Variants in ROR1 observed in about 807,000 individuals in gnomAD.
ROR1 encodes the protein ROR family WNT receptor 1.
A neutral mutation model predicts 78.8 loss-of-function variants in ROR1; 19 were observed. That is an observed-to-expected ratio of 0.24 (90% CI 0.17 to 0.35). The LOEUF is 0.35. ROR1 is among the 10% of genes least tolerant of loss of function. The pLI is 1.00. For synonymous variants in ROR1, 386 were observed against 433.6 expected (o/e 0.89, Z 1.36); for missense variants, 917 against 1,177.8 (o/e 0.78, Z 3.24).
intron 2 of ROR1, among the ~76,000 whole-genome samples, chr1:64,035,053 C>T (rs1423936487): frequency 1.3e-5 from 2 of 152,122 alleles, no homozygotes; most frequent in Non-Finnish European, 2.9e-5. Context: ...AGTTCAGTGG[C>T]AATATTTTCA....
chr1:64,147,193 T>G (rs1324025261), intron 7 of ROR1, among the ~76,000 whole-genome samples: 1 of 152,210 alleles, frequency 6.6e-6, no homozygotes, highest in Non-Finnish European at 1.5e-5. Flanking sequence ...ATTATCTTAG[T>G]ATTAATCAGT....
In ROR1 at chr1:64,107,469, C is replaced by A. The variant is rs181385450; in HGVS notation, c.483-29900C>A. 2.4e-3 allele frequency among the ~76,000 whole-genome samples: 359 copies of A among 152,254 alleles called. 1 individual carries two copies. Among genetic ancestry groups the A allele is most frequent in the Middle Eastern group, 0.02 (6 of 294 alleles). ...TTCACAGGGTAATCATCATAAATTC[C>A]TTTTTCATCGTCTTTGCTGTTCCAT... is the stretch of plus-strand genomic sequence containing the variant. On this transcript the variant is annotated intron_variant, in intron 4 of 8. Transcript: ENST00000371079.
chr1:63,868,789 G>A lies in ROR1; in HGVS notation c.91+94281G>A, dbSNP rs553511122. Reference sequence around the variant, plus strand: ...GGCACATGCCTCTGCACTGAGCTTGGGAGAATGAGTAGGATCTGGGAACGT... The same window carrying A: ...GGCACATGCCTCTGCACTGAGCTTGAGAGAATGAGTAGGATCTGGGAACGT... On this transcript the variant is annotated intron_variant, in intron 1 of 8. Coordinates refer to ENST00000371079, the MANE Select transcript of ROR1 (RefSeq NM_005012.4). Among the ~76,000 whole-genome samples, 239 of 152,302 alleles carry A rather than the reference G, an allele frequency of 1.6e-3. 1 individual carries two copies. Among genetic ancestry groups the A allele is most frequent in the African/African-American group, 5.4e-3 (223 of 41,562 alleles).
intron 7 of ROR1, among the ~76,000 whole-genome samples, chr1:64,144,199 C>T (rs768567224): frequency 1.7e-4 from 26 of 152,136 alleles, no homozygotes; most frequent in South Asian, 4.2e-4. Context: ...TTTGCTGAGA[C>T]GGAGAAAACT....
chr1:64,177,967 C>G lies in ROR1; in HGVS notation c.1926C>G (p.Ser642=). The change falls in exon 9 of 9, where the codon TCC becomes TCG. Residue 642 remains serine (S), a synonymous_variant. Transcript: ENST00000371079. ...TGGGGCTTTCCAGAGAAATTTACTC[C>G]GCTGATTACTACAGGGTCCAGAGTA... is the stretch of plus-strand genomic sequence containing the variant. The part of the protein sequence containing the change: ...SDLGLSREIY[S]ADYYRVQSKS... 6.2e-7 allele frequency: 1 copy of G among 1,614,138 alleles called. No homozygotes were observed. Among genetic ancestry groups the G allele is most frequent in the Non-Finnish European group, 8.5e-7 (1 of 1,180,028 alleles).
At chr1:64,052,743 G>T (rs1287507171) in intron 4 of ROR1, among the ~76,000 whole-genome samples, 1 of 152,130 alleles carries the variant, frequency 6.6e-6, no homozygotes, top group Non-Finnish European at 1.5e-5. Context: ...ATGTTTGCTT[G>T]CAGGGAGTTA....
intron 2 of ROR1, among the ~76,000 whole-genome samples, chr1:64,012,388 G>C (rs1646483093): frequency 6.6e-6 from 1 of 152,176 alleles, no homozygotes; most frequent in African/African-American, 2.4e-5. Context: ...GTGGGAGTGG[G>C]GTTGAGGTTC....
intron 3 of ROR1, among the ~76,000 whole-genome samples, chr1:64,050,235 T>C (rs1487791860): frequency 1.3e-5 from 2 of 152,184 alleles, no homozygotes; most frequent in African/African-American, 4.8e-5. Flanking sequence ...GAGCCCCTAA[T>C]TGAAACCATC....
chr1:64,019,933 G>A (rs1646550492), intron 2 of ROR1, among the ~76,000 whole-genome samples: 1 of 152,164 alleles, frequency 6.6e-6, no homozygotes, highest in Admixed American at 6.5e-5. Context: ...AAGCCTAAAT[G>A]CCTACAAGTG....
At chr1:64,142,960 C>T in intron 7 of ROR1, 1 of 1,159,122 alleles carries the variant, frequency 8.6e-7, no homozygotes, top group South Asian at 2.5e-5. Context: ...AAAGATGTTA[C>T]CCAGAATGGT....
At chr1:63,853,427 G>A (rs570698218) in intron 1 of ROR1, among the ~76,000 whole-genome samples, 3 of 152,236 alleles carry the variant, frequency 2.0e-5, no homozygotes, top group Admixed American at 6.5e-5. Context: ...AATCTGAAAC[G>A]TTTTGCATGC....
chr1:63,999,632 G>A (rs1036178783), intron 1 of ROR1, among the ~76,000 whole-genome samples: 10 of 152,126 alleles, frequency 6.6e-5, no homozygotes, highest in Non-Finnish European at 1.2e-4. Flanking sequence ...TTATATCCTA[G>A]CACCTGGCTA....
At position 64,063,881 on chromosome 1, in the gene ROR1, A is replaced by G. The variant is rs146448179; in HGVS notation, c.482+13165A>G. ...AATCACCCCAAGTGATGTCATGTCC[A>G]TGCAACCAGATAGGACCCTCTCCCA... On this transcript the variant is annotated intron_variant, in intron 4 of 8. Transcript: ENST00000371079. Among the ~76,000 whole-genome samples, 1,472 of 152,270 alleles carry G rather than the reference A, an allele frequency of 9.7e-3. 19 individuals are homozygous for G. The highest frequency in any genetic ancestry group is 0.017 in the Middle Eastern group (5 of 292).
At chr1:64,113,765 T>A (rs2100677734) in intron 4 of ROR1, 1 of 151,036 alleles carries the variant, frequency 6.6e-6, no homozygotes, top group Non-Finnish European at 1.5e-5. Context: ...GGTACCAATT[T>A]ATTCTGGAGA....
intron 2 of ROR1, among the ~76,000 whole-genome samples, chr1:64,015,530 G>A (rs759572645): frequency 1.3e-5 from 2 of 152,146 alleles, no homozygotes; most frequent in Non-Finnish European, 2.9e-5. Flanking sequence ...TTGGCACATG[G>A]TCTATTTAAA....
intron 1 of ROR1, among the ~76,000 whole-genome samples, chr1:63,859,402 T>C (rs968663230): frequency 3.3e-5 from 5 of 152,226 alleles, no homozygotes; most frequent in African/African-American, 1.2e-4. Flanking sequence ...CTGCAAAGCT[T>C]ACTTGAGTTT....
chr1:64,065,196 A>G (rs1646946669), intron 4 of ROR1, among the ~76,000 whole-genome samples: 2 of 152,232 alleles, frequency 1.3e-5, no homozygotes, highest in African/African-American at 4.8e-5. Flanking sequence ...AACTTTGCAC[A>G]AAAACTAATA....
At chr1:63,887,885 A>G (rs1013162901) in intron 1 of ROR1, among the ~76,000 whole-genome samples, 6 of 152,212 alleles carry the variant, frequency 3.9e-5, no homozygotes, top group Non-Finnish European at 8.8e-5. Context: ...TCTTCTGAAC[A>G]TTTTACTTCA....
intron 2 of ROR1, among the ~76,000 whole-genome samples, chr1:64,022,968 G>T (rs1646576895): frequency 6.6e-6 from 1 of 152,044 alleles, no homozygotes; most frequent in Non-Finnish European, 1.5e-5. Flanking sequence ...GGAATGTTTG[G>T]GCTGGGGCTA....
Sources: gnomAD v4.1 joint callset for allele counts (sites outside exome capture counted in the v4.1 genomes callset) on GRCh38, gnomAD v4.1.1 for gene constraint, MANE v1.5 for transcripts, NCBI Gene and HGNC (gene_info 2026-07-23, HGNC 2026-07-21) for gene names.